The following MRC1 variants were observed in gnomAD, a reference collection of about 807,000 sequenced individuals.
MRC1 encodes macrophage mannose receptor 1.
A neutral mutation model predicts 102.9 loss-of-function variants in MRC1; 62 were observed. The ratio of observed to expected loss-of-function variants is 0.60; its 90% CI spans 0.49 to 0.74. The LOEUF is 0.74. MRC1 is among the 30% of genes least tolerant of loss of function. The pLI is 0.00. For synonymous variants in MRC1, 457 were observed against 298.4 expected, an observed-to-expected ratio of 1.53 and a Z score of -5.48; for missense variants, 1,237 against 862.8, an observed-to-expected ratio of 1.43 and a Z score of -5.43.
In MRC1 at chr10:17,904,123, G is replaced by A. The variant is rs1833866265; in HGVS notation, c.3799+2001G>A. 2.0e-5 allele frequency among the ~76,000 whole-genome samples: 3 copies of A among 152,076 alleles called. No homozygotes were observed. In the South Asian group the frequency reaches 6.2e-4, roughly 31 times the overall value. On this transcript the variant is annotated intron_variant, in intron 26 of 29. Transcript: ENST00000569591. ...CATACCCATAAGCACTGATTTACAA[G>A]TATTGTTTTACACAGTTATCTTTCA...
At chr10:17,849,558 G>A (rs111957681) in intron 6 of MRC1, 21 bp from the exon 7 acceptor site, 640,366 of 774,580 alleles carry the variant, frequency 0.83, 266,142 homozygotes, top group East Asian at 1. Context: ...ATTTTTTTCC[G>A]ACCCCCCTTT....
Position 17,827,527 on chromosome 10 carries a change from AAT to A in MRC1, c.464-12_464-11del, listed in dbSNP as rs1554838749. 4 of 780,616 alleles carry A rather than the reference AAT, an allele frequency of 5.1e-6. No homozygotes were observed. The highest frequency in any genetic ancestry group is 5.1e-5 in the Admixed American group (3 of 58,986). 48.4% of individuals were successfully genotyped at this position (780,616 alleles called of 1,614,324 possible). On this transcript the variant is annotated splice_polypyrimidine_tract_variant and intron_variant, in intron 2 of 29. Transcript: ENST00000569591. ...ATCACTCACATTCCAAGTTCAAGTC[AAT>A]ATGTTTTTCCAGCCATGTATACGCT...
chr10:17,872,731 G>A (rs1833371713), intron 15 of MRC1, among the ~76,000 whole-genome samples: 1 of 152,086 alleles, frequency 6.6e-6, no homozygotes, highest in East Asian at 1.9e-4. Context: ...CCATTATCTG[G>A]GACTCAGAAA....
At chr10:17,904,992 T>C (rs1468592492) in intron 26 of MRC1, among the ~76,000 whole-genome samples, 1 of 152,244 alleles carries the variant, frequency 6.6e-6, no homozygotes, top group African/African-American at 2.4e-5. Context: ...TGATAGTTTT[T>C]TACAAACACT....
rs957508682 is a variant in MRC1 at position 17,888,203 on chromosome 10, G to A, written c.3147+2768G>A. Among the ~76,000 whole-genome samples, 9 of 152,192 alleles carry A rather than the reference G, an allele frequency of 5.9e-5. No homozygotes were observed. In the South Asian group the frequency reaches 1.9e-3, roughly 31 times the overall value. ...GAACTTTTAATATGTGTTTTGTGGT[G>A]GAAATATGCTTGGATTGTAACAGGT... is the stretch of plus-strand genomic sequence containing the variant. On this transcript the variant is annotated intron_variant, in intron 22 of 29. Coordinates refer to ENST00000569591, the MANE Select transcript of MRC1 (RefSeq NM_002438.4).
At chr10:17,878,808 A>G (rs1284668266) in intron 18 of MRC1, among the ~76,000 whole-genome samples, 1 of 152,150 alleles carries the variant, frequency 6.6e-6, no homozygotes, top group Non-Finnish European at 1.5e-5. Context: ...GATGACGGAC[A>G]TGCACCACCA....
intron 1 of MRC1, among the ~76,000 whole-genome samples, chr10:17,822,103 T>C (rs1401556421): frequency 6.6e-6 from 1 of 152,208 alleles, no homozygotes; most frequent in African/African-American, 2.4e-5. Flanking sequence ...GAAGTTCCGT[T>C]TTGCCAGCTA....
chr10:17,855,346 C>T lies in MRC1; in HGVS notation c.1408-896C>T, dbSNP rs1023453304. Among the ~76,000 whole-genome samples the T allele has an allele frequency of 2.8e-3, 419 of 151,566 alleles. 1 individual carries two copies. Among genetic ancestry groups the T allele is most frequent in the Admixed American group, 5.6e-3 (85 of 15,208 alleles). On this transcript the variant is annotated intron_variant, in intron 8 of 29. Coordinates refer to ENST00000569591, the MANE Select transcript of MRC1 (RefSeq NM_002438.4). ...CAGCACTTTGGGAGGCCGAGGCAGG[C>T]GGATCATGAGGTCGGGAGATCGAGA...
rs1436026896 is a variant in MRC1 at position 17,904,799 on chromosome 10, G to A, written c.3800-2087G>A. On this transcript the variant is annotated intron_variant, in intron 26 of 29. Transcript: ENST00000569591. ...TTCTCAGACATGCACATAGCCTTGG[G>A]CAAGGGCACACTTCAATGCATATCT... Among the ~76,000 whole-genome samples the A allele has an allele frequency of 3.3e-5, 5 of 152,152 alleles. No individual in the cohort carries two copies. In the East Asian group the frequency reaches 9.6e-4, roughly 29 times the overall value.
intron 4 of MRC1, among the ~76,000 whole-genome samples, chr10:17,834,522 C>T (rs920992112): frequency 1.1e-4 from 17 of 152,182 alleles, no homozygotes; most frequent in Non-Finnish European, 2.5e-4. Flanking sequence ...ACATGATTCT[C>T]CTGCCTCAGC....
In MRC1 at chr10:17,909,332, T is replaced by C. The variant is rs782024524; in HGVS notation, c.4105T>C (p.Leu1369=). ...TATTGATGCTAAACCTACTCATGAA[T>C]TACTTACAACAAAAGGTAAGGCCAT... is the stretch of plus-strand genomic sequence containing the variant. ...KIIDAKPTHE[L]LTTKADTRKM... Residue 1369 remains leucine, a synonymous_variant, in exon 29 of 30, where the codon TTA becomes CTA. Coordinates refer to ENST00000569591, the MANE Select transcript of MRC1 (RefSeq NM_002438.4). The C allele has an allele frequency of 1.1e-6, 1 of 871,898 alleles. No homozygotes were observed. The highest frequency in any genetic ancestry group is 1.3e-5 in the South Asian group (1 of 76,488). 54.0% of individuals were successfully genotyped at this position (871,898 alleles called of 1,614,324 possible). A position where few individuals can be genotyped will look rare whatever the true frequency, so the allele number is the denominator to read the frequency against.
chr10:17,907,797 T>C (rs927635664), intron 28 of MRC1, 99 bp downstream of exon 28: 4 of 741,478 alleles, frequency 5.4e-6, no homozygotes, highest in South Asian at 1.5e-5. Context: ...TACGAGGCCA[T>C]TGGAAGCTCT....
intron 17 of MRC1, among the ~76,000 whole-genome samples, chr10:17,876,568 G>A (rs962484862): frequency 6.6e-6 from 1 of 151,996 alleles, no homozygotes; most frequent in African/African-American, 2.4e-5. Context: ...TTTTTAGCTT[G>A]GATTTTGTGA....
At chr10:17,888,695 T>A (rs1378304876) in intron 22 of MRC1, among the ~76,000 whole-genome samples, 1 of 152,232 alleles carries the variant, frequency 6.6e-6, no homozygotes, top group African/African-American at 2.4e-5. Flanking sequence ...ATGGTCTGTC[T>A]TGGTGAATGT....
Position 17,910,583 on chromosome 10 carries a change from T to C in MRC1, c.*118T>C, listed in dbSNP as rs925777999. ...AGTACTGAATTGTACTGGTCTGTCC[T>C]TTTTTCCTTTGCCTAATTGAAGAAA... On this transcript the variant is annotated 3_prime_UTR_variant, in exon 30 of 30. Coordinates refer to ENST00000569591, the MANE Select transcript of MRC1 (RefSeq NM_002438.4). 1 of 733,592 alleles carries C rather than the reference T, an allele frequency of 1.4e-6. No individual in the cohort carries two copies. Among genetic ancestry groups the C allele is most frequent in the Non-Finnish European group, 2.5e-6 (1 of 398,322 alleles). The allele number at this position is 733,592 out of a possible 1,614,324, so 45.4% of individuals were successfully genotyped here. A position where few individuals can be genotyped will look rare whatever the true frequency, so the allele number is the denominator to read the frequency against.
intron 9 of MRC1, among the ~76,000 whole-genome samples, chr10:17,859,519 C>T (rs1833146883): frequency 2.0e-5 from 3 of 152,078 alleles, no homozygotes; most frequent in Admixed American, 6.6e-5. Flanking sequence ...GGTTTCACCA[C>T]GTTGGTCAAG....
intron 15 of MRC1, among the ~76,000 whole-genome samples, chr10:17,872,988 CA>C (rs1279475898): frequency 1.3e-5 from 2 of 152,164 alleles, no homozygotes; most frequent in African/African-American, 4.8e-5. Context: ...TTATTGCTTT[CA>C]AAGTTTCCAG....
chr10:17,860,829 A>T (rs926687728), intron 9 of MRC1, among the ~76,000 whole-genome samples: 4 of 152,216 alleles, frequency 2.6e-5, no homozygotes, highest in African/African-American at 9.7e-5. Context: ...TGCAAGATAC[A>T]TTATAAGTGG....
chr10:17,886,740 G>A lies in MRC1; in HGVS notation c.3147+1305G>A, dbSNP rs1427362786. Among the ~76,000 whole-genome samples, 3 of 152,068 alleles carry A rather than the reference G, an allele frequency of 2.0e-5. No homozygotes were observed. The South Asian group carries it at 6.2e-4, about 32-fold the overall frequency. ...AATAAATTTAAAACATAATAATTAG[G>A]GGAACTTAGCAAAAGGTTGAGAAAG... On this transcript the variant is annotated intron_variant, in intron 22 of 29. Coordinates refer to ENST00000569591, the MANE Select transcript of MRC1 (RefSeq NM_002438.4).
Sources: allele counts gnomAD v4.1 joint callset (sites outside exome capture counted in the v4.1 genomes callset), GRCh38; gene constraint gnomAD v4.1.1; transcripts MANE v1.5; gene names NCBI Gene and HGNC (gene_info 2026-07-23, HGNC 2026-07-21).